PCDHA9: variants seen among roughly 807,000 people sequenced by gnomAD.
PCDHA9 encodes protocadherin alpha 9.
A neutral mutation model predicts 62.0 loss-of-function variants in PCDHA9; 62 were observed. That is an observed-to-expected ratio of 1.00 (90% CI 0.81 to 1.23). The LOEUF is 1.23. Ranked by LOEUF, PCDHA9 falls within the 50% of genes most tolerant of loss-of-function variation. The probability of loss-of-function intolerance (pLI) is 0.00; values close to 1 mark genes in which losing one functional copy is unlikely to be tolerated. For synonymous variants in PCDHA9, 557 were observed against 567.6 expected, an observed-to-expected ratio of 0.98 and a Z score of 0.27; for missense variants, 1,205 against 1,249.8, an observed-to-expected ratio of 0.96 and a Z score of 0.54.
chr5:140,903,760 C>T (rs1252310927), intron 1 of PCDHA9, among the ~76,000 whole-genome samples: 2 of 152,108 alleles, frequency 1.3e-5, no homozygotes, highest in Non-Finnish European at 2.9e-5. Flanking sequence ...TTGATTTTTG[C>T]TGAACTTTTC....
At chr5:141,006,741 A>G (rs1275777013) in intron 3 of PCDHA9, among the ~76,000 whole-genome samples, 2 of 152,208 alleles carry the variant, frequency 1.3e-5, no homozygotes, top group Non-Finnish European at 2.9e-5. Flanking sequence ...TTGATGATGT[A>G]TTATAAATGG....
intron 3 of PCDHA9, among the ~76,000 whole-genome samples, chr5:140,996,953 TCCCTCAATC>T (rs1554255576): frequency 6.6e-6 from 1 of 152,202 alleles, no homozygotes; most frequent in Non-Finnish European, 1.5e-5. Flanking sequence ...AATATTTATT[TCCCTCAATC>T]CCACTCCCCT....
At chr5:140,919,488 T>C (rs149191060) in intron 1 of PCDHA9, among the ~76,000 whole-genome samples, 58 of 152,320 alleles carry the variant, frequency 3.8e-4, no homozygotes, top group African/African-American at 1.3e-3. Context: ...TTTATGTTTG[T>C]TATTTTACTC....
intron 1 of PCDHA9, among the ~76,000 whole-genome samples, chr5:140,906,598 C>T (rs1258343234): frequency 6.6e-6 from 1 of 152,238 alleles, no homozygotes; most frequent in African/African-American, 2.4e-5. Flanking sequence ...TCCTCTACTA[C>T]TCATTCTGTA....
chr5:140,904,901 T>C (rs782489947), intron 1 of PCDHA9, among the ~76,000 whole-genome samples: 9 of 152,224 alleles, frequency 5.9e-5, no homozygotes, highest in Non-Finnish European at 1.0e-4. Context: ...TTTGTTTTTC[T>C]TACTGATTTG....
At chr5:140,976,454 G>A (rs550788004) in intron 1 of PCDHA9, among the ~76,000 whole-genome samples, 18 of 152,214 alleles carry the variant, frequency 1.2e-4, no homozygotes, top group South Asian at 2.1e-4. Flanking sequence ...GGGAGGCTGG[G>A]GAAGAAGAAT....
intron 3 of PCDHA9, among the ~76,000 whole-genome samples, chr5:140,994,883 A>T (rs1197020328): frequency 6.6e-6 from 1 of 152,222 alleles, no homozygotes; most frequent in Non-Finnish European, 1.5e-5. Flanking sequence ...AAGAGATGTT[A>T]GGAAATGAGA....
intron 3 of PCDHA9, among the ~76,000 whole-genome samples, chr5:140,984,164 A>T (rs1471799520): frequency 6.6e-6 from 1 of 152,208 alleles, no homozygotes; most frequent in African/African-American, 2.4e-5. Flanking sequence ...GAACTTCCCA[A>T]AGAAGCCACG....
chr5:140,877,764 G>A, intron 1 of PCDHA9: 2 of 1,614,160 alleles, frequency 1.2e-6, no homozygotes, highest in Non-Finnish European at 1.7e-6. Context: ...CAGAGAGCCC[G>A]CCCAAGACGG....
intron 1 of PCDHA9, chr5:140,882,175 G>T: frequency 6.6e-7 from 1 of 1,515,152 alleles, no homozygotes; most frequent in Non-Finnish European, 8.8e-7. Flanking sequence ...GAATCCTTCC[G>T]CACTAGGAAG....
intron 1 of PCDHA9, among the ~76,000 whole-genome samples, chr5:140,971,436 C>G (rs2153789972): frequency 6.6e-6 from 1 of 152,278 alleles, no homozygotes; most frequent in Non-Finnish European, 1.5e-5. Flanking sequence ...ACCCCAAGAT[C>G]TACAGCTCCA....
At chr5:140,967,784 C>T in intron 1 of PCDHA9, 3 of 1,614,174 alleles carry the variant, frequency 1.9e-6, no homozygotes, top group South Asian at 1.1e-5. Context: ...GGCGACTGAC[C>T]GGGGTCCAGT....
chr5:140,908,834 G>A (rs915665508), intron 1 of PCDHA9, among the ~76,000 whole-genome samples: 64 of 152,226 alleles, frequency 4.2e-4, no homozygotes, highest in African/African-American at 1.4e-3. Flanking sequence ...CGATAAATGG[G>A]CTGGAGTAAC....
In PCDHA9 at chr5:140,849,729, G is replaced by A. The variant is rs1180272167; in HGVS notation, c.1234G>A (p.Ala412Thr). Residue 412 changes from alanine (A) to threonine (T), a missense_variant, in exon 1 of 4, where the codon GCT (alanine) becomes ACT (threonine). By Grantham distance (58) the Ala-to-Thr change is moderately conservative. Transcript: ENST00000532602. ...TTACTACTCGTTGGTGCTGGACAGA[G>A]CTCTGGACCGCGAGAGTGTGTCCGC... The part of the protein sequence containing the change: ...KNYYSLVLDR[A>T]LDRESVSAYE... 5.6e-6 allele frequency: 9 copies of A among 1,598,378 alleles called. 1 individual carries two copies. Among genetic ancestry groups the A allele is most frequent in the Non-Finnish European group, 7.7e-6 (9 of 1,168,014 alleles).
chr5:140,882,745 T>C (rs782756975), intron 1 of PCDHA9: 1 of 1,614,124 alleles, frequency 6.2e-7, no homozygotes, highest in Non-Finnish European at 8.5e-7. Flanking sequence ...GCGCATCCGA[T>C]GCAGATATTG....
At chr5:140,884,357 A>G (rs1562803365) in intron 1 of PCDHA9, 1 of 1,613,864 alleles carries the variant, frequency 6.2e-7, no homozygotes, top group Non-Finnish European at 8.5e-7. Flanking sequence ...GGTGGATGTC[A>G]ATGTTTACTT....
intron 3 of PCDHA9, among the ~76,000 whole-genome samples, chr5:140,995,316 A>G (rs2097676169): frequency 1.3e-5 from 2 of 152,222 alleles, no homozygotes; most frequent in South Asian, 4.1e-4. Context: ...TTCTAAGTGA[A>G]CTAACAGGTG....
chr5:140,869,719 C>T, intron 1 of PCDHA9: 1 of 1,613,314 alleles, frequency 6.2e-7, no homozygotes, highest in Admixed American at 1.7e-5. Flanking sequence ...AGAGAAAACT[C>T]CGGAACTTAA....
At chr5:140,941,248 T>TTTCTTTCG (rs1563187616) in intron 1 of PCDHA9, among the ~76,000 whole-genome samples, 2 of 141,492 alleles carry the variant, frequency 1.4e-5, no homozygotes, top group Non-Finnish European at 3.1e-5. Context: ...TCTTTCTTTC[T>TTTCTTTCG]TTCTTTCTCT....
Sources: gnomAD v4.1 joint callset for allele counts (sites outside exome capture counted in the v4.1 genomes callset) on GRCh38, gnomAD v4.1.1 for gene constraint, MANE v1.5 for transcripts, NCBI Gene and HGNC (gene_info 2026-07-23, HGNC 2026-07-21) for gene names.